ERAP1: variants seen among roughly 807,000 people sequenced by gnomAD.
ERAP1 encodes adipocyte-derived leucine aminopeptidase.
In ERAP1, 86 loss-of-function variants were observed where a neutral mutation model predicts 103.7. The observed-to-expected ratio is 0.83, with a 90% CI of 0.70 to 0.99. The LOEUF (loss-of-function observed/expected upper bound fraction) is 0.99. Ranked by LOEUF, ERAP1 falls within the 50% of genes least tolerant of loss-of-function variation. The pLI, the probability that ERAP1 is intolerant of heterozygous loss-of-function variation, is 0.00. For missense variants in ERAP1, 1,009 were observed against 1,128.4 expected (o/e 0.89, Z 1.52); for synonymous variants, 398 against 402.4 (o/e 0.99, Z 0.13).
At chr5:96,788,352 C>G (rs1776330218) in intron 11 of ERAP1, among the ~76,000 whole-genome samples, 179 bp downstream of exon 11, 2 of 152,134 alleles carry the variant, frequency 1.3e-5, no homozygotes, top group East Asian at 1.9e-4. Flanking sequence ...AGGTTTAAAG[C>G]CTCCTTAATC....
the ERAP1 span, among the ~76,000 whole-genome samples, chr5:96,813,711 C>T: frequency 4.2e-5 from 6 of 141,300 alleles, no homozygotes; most frequent in South Asian, 6.8e-4. Flanking sequence ...TCTTCATACA[C>T]GAGGAAGATA....
At chr5:96,773,181 G>T (rs1773080098), downstream of ERAP1, 2 of 153,642 alleles carry the variant, frequency 1.3e-5, no homozygotes, top group South Asian at 2.1e-4. Context: ...ATCTCCTCTT[G>T]GGCTGCTAAT....
the ERAP1 span, chr5:96,918,290 T>A: frequency 6.6e-6 from 1 of 152,352 alleles, no homozygotes; most frequent in Non-Finnish European, 1.5e-5. Context: ...TTCTTTAATT[T>A]TTTTAACCTT....
At chr5:96,926,798 T>C in the ERAP1 span, among the ~76,000 whole-genome samples, 1 of 152,322 alleles carries the variant, frequency 6.6e-6, no homozygotes, top group African/African-American at 2.4e-5. Flanking sequence ...GCTATGAACA[T>C]TCATCTACCA....
the ERAP1 span, among the ~76,000 whole-genome samples, chr5:96,859,947 CT>C: frequency 6.6e-5 from 10 of 152,296 alleles, no homozygotes; most frequent in East Asian, 1.5e-3. Context: ...ACTACCTTCC[CT>C]GAGCTTGGGC....
In ERAP1 at chr5:96,788,669, C is replaced by T. The variant is rs1411926795; in HGVS notation, c.1541G>A (p.Gly514Glu). 1 of 1,613,986 alleles carries T rather than the reference C, an allele frequency of 6.2e-7. No homozygotes were observed. Among genetic ancestry groups the T allele is most frequent in the Non-Finnish European group, 8.5e-7 (1 of 1,180,022 alleles). The change falls in exon 11 of 19, where the codon GGG (glycine) becomes GAG (glutamate). Residue 514 changes from glycine to glutamate, a missense_variant. By Grantham distance (98) the Gly-to-Glu change is moderately conservative. Transcript: ENST00000443439. Reference sequence around the variant, plus strand: ...GTTCATCATGGTTTTCACATCCACCCCTTCCTGATGCCAATGCTGGTGTGT... The same window carrying T: ...GTTCATCATGGTTTTCACATCCACCTCTTCCTGATGCCAATGCTGGTGTGT... ...SSSSSHWHQE[G>E]VDVKTMMNTW...
At chr5:96,783,340 T>A (rs62364748) in intron 14 of ERAP1, 105 bp from the exon 15 acceptor site, 81,603 of 1,030,864 alleles carry the variant, frequency 0.079, 3,666 homozygotes, top group Middle Eastern at 0.15. Flanking sequence ...TTTTAAAGCA[T>A]AATCTAACTT....
chr5:96,793,467 A>C lies in ERAP1; in HGVS notation c.1121T>G (p.Leu374Arg). Reference sequence around the variant, plus strand: ...CATAAATTTGGCAAATCCTTCATTTAGCCAAAGATCATTCCACCATTCCAT... The same window carrying C: ...CATAAATTTGGCAAATCCTTCATTTCGCCAAAGATCATTCCACCATTCCAT... ...VTMEWWNDLW[L>R]NEGFAKFMEF... is the part of the protein sequence containing the mutation. Residue 374 changes from leucine to arginine, a missense_variant, in exon 7 of 19, where the codon CTA (leucine) becomes CGA (arginine). Leu to Arg is a moderately radical substitution (Grantham distance 102). Transcript: ENST00000443439. 1 of 1,613,976 alleles carries C rather than the reference A, an allele frequency of 6.2e-7. No individual in the cohort carries two copies.
At chr5:96,842,967 G>A in the ERAP1 span, among the ~76,000 whole-genome samples, 1 of 152,084 alleles carries the variant, frequency 6.6e-6, no homozygotes, top group Non-Finnish European at 1.5e-5. Flanking sequence ...TATAAGGCGA[G>A]GGGTGAGGAT....
chr5:96,843,685 C>T, the ERAP1 span, among the ~76,000 whole-genome samples: 2 of 152,112 alleles, frequency 1.3e-5, no homozygotes, highest in Non-Finnish European at 2.9e-5. Context: ...TTTTCAGAAA[C>T]TCAGACACCC....
chr5:96,861,895 T>C, the ERAP1 span, among the ~76,000 whole-genome samples: 15 of 152,184 alleles, frequency 9.9e-5, no homozygotes, highest in Non-Finnish European at 8.8e-5. Flanking sequence ...TGCCTATTAC[T>C]TTTTAATGAT....
intron 11 of ERAP1, 56 bp downstream of exon 11, chr5:96,788,475 C>G: frequency 6.2e-7 from 1 of 1,601,500 alleles, no homozygotes; most frequent in Admixed American, 1.7e-5. Flanking sequence ...AAGGTTCCAT[C>G]CTACAAGGCA....
the ERAP1 span, chr5:96,909,246 T>C: frequency 1.2e-6 from 1 of 823,252 alleles, no homozygotes; most frequent in Non-Finnish European, 1.9e-6. Flanking sequence ...ACTGATAGCA[T>C]GTAATGGTCA....
rs191646005 is a variant in ERAP1 at position 96,790,334 on chromosome 5, C to T, written c.1486G>A (p.Gly496Ser). The change falls in exon 10 of 19, where the codon GGC becomes AGC. Residue 496 changes from glycine to serine, a missense_variant. Coordinates refer to ENST00000443439, the MANE Select transcript of ERAP1 (RefSeq NM_001040458.3). ...CPTDGVKGMD[G>S]FCSRSQHSSS... ...GAATGTTGACTTCTAGAGCAAAAGC[C>T]ATCCATCCCTTTTACACCATCTGTA... 578 of 1,614,078 alleles carry T rather than the reference C, an allele frequency of 3.6e-4. 4 individuals are homozygous for T. The highest frequency in any genetic ancestry group is 4.8e-5 in the Non-Finnish European group (57 of 1,179,994).
intron 3 of ERAP1, among the ~76,000 whole-genome samples, chr5:96,798,056 T>C (rs1174174317): frequency 1.3e-5 from 2 of 152,152 alleles, no homozygotes; most frequent in Non-Finnish European, 2.9e-5. Flanking sequence ...CCGGACACAG[T>C]GGCTCACACC....
At chr5:96,902,512 A>G in the ERAP1 span, 1 of 540,580 alleles carries the variant, frequency 1.8e-6, no homozygotes, top group Non-Finnish European at 3.3e-6. Flanking sequence ...CTCTTTTAGT[A>G]AGAAAATCTG....
the ERAP1 span, among the ~76,000 whole-genome samples, chr5:96,846,597 T>A: frequency 6.6e-6 from 1 of 152,078 alleles, no homozygotes; most frequent in Non-Finnish European, 1.5e-5. Flanking sequence ...AGGTCTGAGA[T>A]AGGGCATGAG....
chr5:96,882,640 T>C, the ERAP1 span, among the ~76,000 whole-genome samples: 1 of 152,228 alleles, frequency 6.6e-6, no homozygotes, highest in Non-Finnish European at 1.5e-5. Flanking sequence ...TTTTGTTTTT[T>C]CAATGTAGAC....
At chr5:96,762,424 A>G (rs1437236371) in exon 20 of ERAP1, 3 of 1,343,450 alleles carry the variant, frequency 2.2e-6, no homozygotes, top group East Asian at 2.4e-5. Context: ...AGCCACAACT[A>G]GAAAGAAAAT....
Sources: gnomAD v4.1 joint callset for allele counts (sites outside exome capture counted in the v4.1 genomes callset) on GRCh38, gnomAD v4.1.1 for gene constraint, MANE v1.5 for transcripts, NCBI Gene and HGNC (gene_info 2026-07-23, HGNC 2026-07-21) for gene names.